Variants in TSHZ1 observed in about 807,000 individuals in gnomAD.
TSHZ1 encodes teashirt homolog 1.
A neutral mutation model predicts 67.1 loss-of-function variants in TSHZ1; 12 were observed. That is an observed-to-expected ratio of 0.18 (90% CI 0.11 to 0.29). TSHZ1 has a LOEUF of 0.29. Among genes scored for constraint, TSHZ1 ranks in the 10% least tolerant of loss-of-function variants. The pLI is 1.00. For synonymous variants in TSHZ1, 632 were observed against 622.4 expected, an observed-to-expected ratio of 1.02 and a Z score of -0.23; for missense variants, 1,305 against 1,413.9, an observed-to-expected ratio of 0.92 and a Z score of 1.23.
At chr18:75,232,643 G>T (rs2023014866) in intron 1 of TSHZ1, among the ~76,000 whole-genome samples, 1 of 152,130 alleles carries the variant, frequency 6.6e-6, no homozygotes, top group Non-Finnish European at 1.5e-5. Flanking sequence ...TCTATTTCTG[G>T]ACTCCAGGTA....
chr18:75,237,791 C>CTTTCATTTATTT (rs150217532), intron 1 of TSHZ1, among the ~76,000 whole-genome samples: 246 of 143,558 alleles, frequency 1.7e-3, no homozygotes, highest in African/African-American at 6.3e-3. Context: ...TTCTTTCTTT[C>CTTTCATTTATTT]ATTTATTTAT....
intron 1 of TSHZ1, among the ~76,000 whole-genome samples, chr18:75,249,159 G>A (rs1444429728): frequency 6.6e-6 from 1 of 152,110 alleles, no homozygotes; most frequent in African/African-American, 2.4e-5. Flanking sequence ...TTGTCCCTGC[G>A]GCCACCCAGG....
At position 75,288,245 on chromosome 18, in the gene TSHZ1, T is replaced by G. The variant is rs373206564; in HGVS notation, c.2838T>G (p.Asn946Lys). The change falls in exon 2 of 2, where the codon AAT becomes AAG. Residue 946 changes from asparagine to lysine, a missense_variant. By Grantham distance (94) the Asn-to-Lys change is moderately conservative. Transcript: ENST00000580243. This position sits in a 1 kb window ranked among gnomAD's most constrained non-coding sequence, Gnocchi z 4.9. ...SMTTISHWLA[N>K]VKYQLRRTGG... The stretch of plus-strand genomic sequence containing the variant: ...CCACCATCAGCCACTGGCTGGCCAA[T>G]GTGAAGTACCAGTTGAGGAGGACAG... The G allele has an allele frequency of 3.1e-6, 5 of 1,614,176 alleles. No individual in the cohort carries two copies. Among genetic ancestry groups the G allele is most frequent in the Non-Finnish European group, 4.2e-6 (5 of 1,180,018 alleles).
chr18:75,285,870 G>GCCAC lies in TSHZ1; in HGVS notation c.465_466insACCC (p.Pro156ThrfsTer65). ...CGATGCCAGCCAGAAGGAGAGCTCC[G>GCCAC]CCCCCACCCCCACACCCCCCACCTG... On this transcript the variant is annotated frameshift_variant, in exon 2 of 2. Coordinates refer to ENST00000580243, the MANE Select transcript of TSHZ1 (RefSeq NM_001308210.2). LOFTEE classifies it high-confidence loss of function. 6.3e-7 allele frequency: 1 copy of GCCAC among 1,581,560 alleles called. No individual in the cohort carries two copies. The highest frequency in any genetic ancestry group is 8.6e-7 in the Non-Finnish European group (1 of 1,163,050).
intron 1 of TSHZ1, among the ~76,000 whole-genome samples, chr18:75,272,795 A>T (rs1568365784): frequency 6.6e-6 from 1 of 152,222 alleles, no homozygotes; most frequent in Non-Finnish European, 1.5e-5. Context: ...AAATGCTGCA[A>T]TTGAACATTG....
intron 1 of TSHZ1, among the ~76,000 whole-genome samples, chr18:75,274,124 T>C (rs2023588485): frequency 6.6e-6 from 1 of 152,124 alleles, no homozygotes; most frequent in Admixed American, 6.5e-5. Flanking sequence ...GCTCACACTG[T>C]CACATTCTGC....
intron 1 of TSHZ1, among the ~76,000 whole-genome samples, chr18:75,274,113 C>T (rs1293481694): frequency 2.0e-5 from 3 of 152,132 alleles, no homozygotes; most frequent in Admixed American, 6.5e-5. Flanking sequence ...ACACTGTACA[C>T]GCTCACACTG....
Position 75,221,939 on chromosome 18 carries a change from G to A in TSHZ1, c.40+10023G>A, listed in dbSNP as rs566192185. On this transcript the variant is annotated intron_variant, in intron 1 of 1. Coordinates refer to ENST00000580243, the MANE Select transcript of TSHZ1 (RefSeq NM_001308210.2). The stretch of plus-strand genomic sequence containing the variant: ...CATATGTATATAGATTAATATATAT[G>A]TATATATTTTAAAATTCTTAAATTG... Among the ~76,000 whole-genome samples, 40 of 152,076 alleles carry A rather than the reference G, an allele frequency of 2.6e-4. 2 individuals are homozygous for A. In the South Asian group the frequency reaches 8.3e-3, roughly 31 times the overall value.
At position 75,288,557 on chromosome 18, in the gene TSHZ1, C is replaced by T; in HGVS notation, c.3150C>T (p.His1050=). The change falls in exon 2 of 2, where the codon CAC becomes CAT. Residue 1050 remains histidine, a synonymous_variant. Transcript: ENST00000580243. This position sits in a 1 kb window ranked among gnomAD's most constrained non-coding sequence, Gnocchi z 4.9. ...KLCNRTFASK[H]AVKLHLSKTH... ...GCAACCGGACTTTTGCGAGCAAGCA[C>T]GCAGTCAAACTGCACCTTAGTAAGA... 2.5e-6 allele frequency: 4 copies of T among 1,614,216 alleles called. No individual in the cohort carries two copies. Among genetic ancestry groups the T allele is most frequent in the East Asian group, 2.2e-5 (1 of 44,880 alleles).
chr18:75,257,378 CAAA>C (rs1180115334), intron 1 of TSHZ1, among the ~76,000 whole-genome samples: 1 of 152,064 alleles, frequency 6.6e-6, no homozygotes, highest in Non-Finnish European at 1.5e-5. Flanking sequence ...AAACAAAAAA[CAAA>C]AAACCCACAC....
At chr18:75,222,624 G>T (rs919270181) in intron 1 of TSHZ1, among the ~76,000 whole-genome samples, 1 of 151,984 alleles carries the variant, frequency 6.6e-6, no homozygotes, top group Admixed American at 6.6e-5. Flanking sequence ...GGGGGTTTTC[G>T]TCCTCCTCCT....
chr18:75,231,580 G>A (rs932858319), intron 1 of TSHZ1, among the ~76,000 whole-genome samples: 1 of 152,146 alleles, frequency 6.6e-6, no homozygotes, highest in African/African-American at 2.4e-5. Context: ...CTGTCCCCAG[G>A]CTGGAGTGCA....
At chr18:75,237,569 T>C (rs1204460038) in intron 1 of TSHZ1, among the ~76,000 whole-genome samples, 1 of 152,178 alleles carries the variant, frequency 6.6e-6, no homozygotes, top group Non-Finnish European at 1.5e-5. Flanking sequence ...TGCATATATA[T>C]GTGTGTATAC....
At chr18:75,239,791 A>C (rs1336532191) in intron 1 of TSHZ1, among the ~76,000 whole-genome samples, 1 of 152,180 alleles carries the variant, frequency 6.6e-6, no homozygotes, top group Non-Finnish European at 1.5e-5. Flanking sequence ...GGCATGACCC[A>C]CCATGCCTGG....
chr18:75,225,232 C>T (rs56179956), intron 1 of TSHZ1, among the ~76,000 whole-genome samples: 9 of 152,116 alleles, frequency 5.9e-5, no homozygotes, highest in Non-Finnish European at 1.2e-4. Flanking sequence ...AATGCTTCCT[C>T]GGTTCTGGGC....
chr18:75,273,400 G>A (rs1255736853), intron 1 of TSHZ1, among the ~76,000 whole-genome samples: 2 of 152,160 alleles, frequency 1.3e-5, no homozygotes, highest in Admixed American at 1.3e-4. Flanking sequence ...ACCACATTTA[G>A]CCATTAAAAA....
chr18:75,262,949 T>C (rs1036698752), intron 1 of TSHZ1, among the ~76,000 whole-genome samples: 1 of 152,164 alleles, frequency 6.6e-6, no homozygotes, highest in Non-Finnish European at 1.5e-5. Context: ...TTTTCATTGA[T>C]GAGGACACAG....
chr18:75,234,015 C>T (rs1371794190), intron 1 of TSHZ1, among the ~76,000 whole-genome samples: 1 of 152,124 alleles, frequency 6.6e-6, no homozygotes, highest in Non-Finnish European at 1.5e-5. Context: ...AAATGGAGGG[C>T]CACACTGGAG....
intron 1 of TSHZ1, among the ~76,000 whole-genome samples, chr18:75,253,779 G>A (rs1044439795): frequency 1.3e-5 from 2 of 152,236 alleles, no homozygotes; most frequent in African/African-American, 4.8e-5. Context: ...TTTAAAAGGT[G>A]TGTTAATAAT....
Sources: gnomAD v4.1 joint callset for allele counts (sites outside exome capture counted in the v4.1 genomes callset) on GRCh38, gnomAD v4.1.1 for gene constraint, Gnocchi (gnomAD v3.1) non-coding constraint, MANE v1.5 for transcripts, NCBI Gene and HGNC (gene_info 2026-07-23, HGNC 2026-07-21) for gene names.